ANKRD55: variants seen among roughly 807,000 people sequenced by gnomAD.
The protein encoded by ANKRD55 is ankyrin repeat domain 55, also known as ankyrin repeat domain-containing protein 55.
A neutral mutation model predicts 60.6 loss-of-function variants in ANKRD55; 41 were observed. The observed-to-expected ratio is 0.68, with a 90% CI of 0.53 to 0.88. The LOEUF (loss-of-function observed/expected upper bound fraction) is 0.88. Among genes scored for constraint, ANKRD55 ranks in the 40% least tolerant of loss-of-function variants. ANKRD55 has a pLI of 0.00. For synonymous variants in ANKRD55, 264 were observed against 290.3 expected, an observed-to-expected ratio of 0.91 and a Z score of 0.92; for missense variants, 732 against 767.6, an observed-to-expected ratio of 0.95 and a Z score of 0.55.
Position 56,100,264 on chromosome 5 carries a change from A to G in ANKRD55, c.1764T>C (p.Pro588=), listed in dbSNP as rs772972641. ...GEPLRTNRVL[P]AIPSQRRHST... ...TGTGTCTTCGTTGACTTGGAATTGC[A>G]GGAAGCACTCGGTTTGTCCGCAGAG... The change falls in exon 12 of 12, where the codon CCT becomes CCC. Residue 588 remains proline, a synonymous_variant. Transcript: ENST00000341048. 1.2e-6 allele frequency: 2 copies of G among 1,614,178 alleles called. No homozygotes were observed. The highest frequency in any genetic ancestry group is 2.2e-5 in the East Asian group (1 of 44,890).
chr5:56,106,189 C>A (rs1756460013), intron 10 of ANKRD55, among the ~76,000 whole-genome samples: 1 of 152,108 alleles, frequency 6.6e-6, no homozygotes, highest in African/African-American at 2.4e-5. Context: ...AAACCCAGGG[C>A]AGGAAAGGAG....
intron 10 of ANKRD55, among the ~76,000 whole-genome samples, chr5:56,107,518 C>T (rs909645705): frequency 3.3e-5 from 5 of 152,166 alleles, no homozygotes; most frequent in East Asian, 1.9e-4. Context: ...CTAATATCTC[C>T]TCCCTCACTT....
chr5:56,184,786 T>G (rs1004024281), intron 2 of ANKRD55, among the ~76,000 whole-genome samples: 1 of 151,554 alleles, frequency 6.6e-6, no homozygotes, highest in African/African-American at 2.4e-5. Context: ...TAGTCCCAGG[T>G]ACTCAGGAGG....
At chr5:56,108,700 T>G (rs539293123) in intron 10 of ANKRD55, among the ~76,000 whole-genome samples, 1 of 152,196 alleles carries the variant, frequency 6.6e-6, no homozygotes, top group South Asian at 2.1e-4. Flanking sequence ...GCAAAGGAAT[T>G]TTGCTCATTC....
chr5:56,107,056 A>C (rs1481650765), intron 10 of ANKRD55, among the ~76,000 whole-genome samples: 2 of 152,000 alleles, frequency 1.3e-5, no homozygotes, highest in African/African-American at 2.4e-5. Context: ...TTGATAAATC[A>C]ACTGTGATAA....
intron 4 of ANKRD55, among the ~76,000 whole-genome samples, chr5:56,174,787 G>A (rs182730299): frequency 7.0e-5 from 10 of 143,586 alleles, no homozygotes; most frequent in East Asian, 6.1e-4. Context: ...AGCTGAGATC[G>A]CACCACTGCA....
intron 5 of ANKRD55, 128 bp downstream of exon 5, chr5:56,170,566 A>T: frequency 1.5e-6 from 1 of 689,588 alleles, no homozygotes; most frequent in Non-Finnish European, 2.4e-6. Context: ...ATCTGCTGCA[A>T]CTTCAAAAAA....
intron 2 of ANKRD55, among the ~76,000 whole-genome samples, chr5:56,194,059 T>C (rs190539163): frequency 8.7e-4 from 133 of 152,312 alleles, no homozygotes; most frequent in African/African-American, 3.0e-3. Flanking sequence ...GGCTCACTCC[T>C]GTAATCCCAG....
chr5:56,111,315 T>A lies in ANKRD55; in HGVS notation c.1433A>T (p.Asp478Val). The A allele has an allele frequency of 6.2e-7, 1 of 1,614,142 alleles. No homozygotes were observed. The highest frequency in any genetic ancestry group is 2.2e-5 in the East Asian group (1 of 44,890). Residue 478 changes from aspartate (D) to valine (V), a missense_variant, in exon 10 of 12, where the codon GAT becomes GTT. By Grantham distance (152) the Asp-to-Val change is radical. Around this residue, in one of 3 missense-constraint regions of ANKRD55, gnomAD observed 597 missense variants for 607.5 expected, o/e 0.98. Coordinates refer to ENST00000341048, the MANE Select transcript of ANKRD55 (RefSeq NM_024669.3). ...QRSQKSRSEQ[D>V]LLNNRTGCQM... ...GCAGCCAGTTCTGTTATTTAATAAATCCTGCTCACTTCGACTTTTCTGAGA... is the reference window on the plus strand; with the variant it reads ...GCAGCCAGTTCTGTTATTTAATAAAACCTGCTCACTTCGACTTTTCTGAGA...
intron 8 of ANKRD55, among the ~76,000 whole-genome samples, chr5:56,126,500 C>T (rs1005076353): frequency 7.9e-5 from 12 of 152,126 alleles, no homozygotes; most frequent in African/African-American, 1.4e-4. Context: ...CCTTGCAGTT[C>T]TAAAAGCCCA....
intron 10 of ANKRD55, among the ~76,000 whole-genome samples, chr5:56,105,136 G>C (rs1756417924): frequency 6.6e-6 from 1 of 150,920 alleles, no homozygotes; most frequent in Admixed American, 6.6e-5. Context: ...TCTCAGGATG[G>C]AATGCAGTAG....
intron 2 of ANKRD55, among the ~76,000 whole-genome samples, chr5:56,224,868 G>A (rs1760065995): frequency 6.6e-6 from 1 of 152,084 alleles, no homozygotes; most frequent in Non-Finnish European, 1.5e-5. Context: ...AAAAGTCCAG[G>A]ACCAGACAGA....
chr5:56,158,672 ATC>A (rs890148591), intron 6 of ANKRD55, among the ~76,000 whole-genome samples: 1 of 152,130 alleles, frequency 6.6e-6, no homozygotes, highest in Non-Finnish European at 1.5e-5. Context: ...TATTAATATT[ATC>A]TCTCTGTCAT....
At chr5:56,109,647 T>C (rs138109255) in intron 10 of ANKRD55, among the ~76,000 whole-genome samples, 173 of 152,070 alleles carry the variant, frequency 1.1e-3, no homozygotes, top group African/African-American at 3.9e-3. Context: ...CTATGGATCA[T>C]TTAAAAAATA....
At chr5:56,225,226 CA>C (rs1281419308) in intron 2 of ANKRD55, among the ~76,000 whole-genome samples, 6 of 152,132 alleles carry the variant, frequency 3.9e-5, no homozygotes, top group African/African-American at 1.4e-4. Context: ...GAACCAAAGA[CA>C]AAAACCACGT....
At chr5:56,164,775 G>C (rs1420765577) in intron 5 of ANKRD55, among the ~76,000 whole-genome samples, 1 of 152,222 alleles carries the variant, frequency 6.6e-6, no homozygotes, top group East Asian at 1.9e-4. Flanking sequence ...GGAAAACTTG[G>C]ACCTGCTGAG....
At chr5:56,119,888 A>G (rs1009777578) in intron 8 of ANKRD55, among the ~76,000 whole-genome samples, 1 of 152,164 alleles carries the variant, frequency 6.6e-6, no homozygotes. Flanking sequence ...ACCACACTCC[A>G]GCCTGGGCAA....
intron 2 of ANKRD55, among the ~76,000 whole-genome samples, chr5:56,221,824 G>A (rs56885307): frequency 0.011 from 1,628 of 152,294 alleles, 36 homozygotes; most frequent in African/African-American, 0.037. Flanking sequence ...GCTGAGGCTT[G>A]AGTAGGTAAA....
intron 8 of ANKRD55, among the ~76,000 whole-genome samples, chr5:56,121,066 C>T (rs370874542): frequency 3.3e-5 from 5 of 152,056 alleles, no homozygotes; most frequent in Admixed American, 1.3e-4. Context: ...GCCAAGATGG[C>T]GCCCGTGCCC....
Sources: allele counts gnomAD v4.1 joint callset (sites outside exome capture counted in the v4.1 genomes callset), GRCh38; gene constraint gnomAD v4.1.1; regional missense constraint gnomAD v4.1.1; transcripts MANE v1.5; gene names NCBI Gene and HGNC (gene_info 2026-07-23, HGNC 2026-07-21).